The following CCDC184 variants were observed in gnomAD, a reference collection of about 807,000 sequenced individuals.
CCDC184 encodes coiled-coil domain containing 184, also known as coiled-coil domain-containing protein 184.
Under a neutral mutation model 10.4 loss-of-function variants are expected in CCDC184, and 11 were observed. That is an observed-to-expected ratio of 1.06 (90% CI 0.67 to 1.75). CCDC184 has a LOEUF of 1.75. Ranked by LOEUF, CCDC184 falls within the 40% of genes most tolerant of loss-of-function variation. The pLI is 0.00. For missense variants in CCDC184, 264 were observed against 267.9 expected (o/e 0.99, Z 0.10); for synonymous variants, 102 against 116.1 (o/e 0.88, Z 0.78).
At position 48,183,978 on chromosome 12, in the gene CCDC184, T is replaced by A. The variant is rs1024671342; in HGVS notation, c.-145T>A. 6 of 630,226 alleles carry A rather than the reference T, an allele frequency of 9.5e-6. No individual in the cohort carries two copies. In the Admixed American group the frequency reaches 1.8e-4, roughly 19 times the overall value. The allele number at this position is 630,226 out of a possible 1,614,324, so 39.0% of individuals were successfully genotyped here. On this transcript the variant is annotated 5_prime_UTR_variant, in exon 1 of 1. Transcript: ENST00000316554. The stretch of plus-strand genomic sequence containing the variant: ...CTCTGCCCAGGACTCGTCTCTCACG[T>A]CGGCTCCCCGCCAGTCTCGGGAGCC...
At position 48,183,853 on chromosome 12, in the gene CCDC184, C is replaced by T; in HGVS notation, c.-270C>T. On this transcript the variant is annotated 5_prime_UTR_variant, in exon 1 of 1. Coordinates refer to ENST00000316554, the MANE Select transcript of CCDC184 (RefSeq NM_001013635.4). ...CCGGGAGGCGAGGCAGGGCAGGGCACTTTCGTCCCGGGGCGATCCCAAGAG... is the reference window on the plus strand; with the variant it reads ...CCGGGAGGCGAGGCAGGGCAGGGCATTTTCGTCCCGGGGCGATCCCAAGAG... 2.1e-6 allele frequency: 1 copy of T among 472,654 alleles called. No individual in the cohort carries two copies. Among genetic ancestry groups the T allele is most frequent in the Non-Finnish European group, 3.8e-6 (1 of 265,764 alleles). The allele number at this position is 472,654 out of a possible 1,614,324, so 29.3% of individuals were successfully genotyped here.
Position 48,184,070 on chromosome 12 carries a change from G to T in CCDC184, c.-53G>T. ...CCCCCTCCACCCCCTCCCCCACCCC[G>T]GAGGCCGGGCTGGACGCGACCCAGA... On this transcript the variant is annotated 5_prime_UTR_variant, in exon 1 of 1. Coordinates refer to ENST00000316554, the MANE Select transcript of CCDC184 (RefSeq NM_001013635.4). 6.5e-6 allele frequency: 2 copies of T among 306,280 alleles called. No individual in the cohort carries two copies. Among genetic ancestry groups the T allele is most frequent in the South Asian group, 3.5e-5 (1 of 28,936 alleles). The allele number at this position is 306,280 out of a possible 1,614,324, so 19.0% of individuals were successfully genotyped here. A position where few individuals can be genotyped will look rare whatever the true frequency, so the allele number is the denominator to read the frequency against.
chr12:48,184,043 C>G lies in CCDC184; in HGVS notation c.-80C>G. ...CTCCCGCTAGCCCCTCCCGGGACCT[C>G]TCCCCCTCCACCCCCTCCCCCACCC... On this transcript the variant is annotated 5_prime_UTR_variant, in exon 1 of 1. Transcript: ENST00000316554. 1 of 810,830 alleles carries G rather than the reference C, an allele frequency of 1.2e-6. No individual in the cohort carries two copies. The highest frequency in any genetic ancestry group is 1.9e-6 in the Non-Finnish European group (1 of 529,322). The allele number at this position is 810,830 out of a possible 1,614,324, so 50.2% of individuals were successfully genotyped here.
rs547175162 is a variant in CCDC184 at position 48,184,405 on chromosome 12, A to C, written c.283A>C (p.Thr95Pro). Residue 95 changes from threonine (T) to proline (P), a missense_variant, in exon 1 of 1, where the codon ACT becomes CCT. Coordinates refer to ENST00000316554, the MANE Select transcript of CCDC184 (RefSeq NM_001013635.4). Reference sequence around the variant, plus strand: ...CGTCTCCATGTGCCAGATTATGACCACTGCGCCCCGCCAGGGCGGCTTGGG... The same window carrying C: ...CGTCTCCATGTGCCAGATTATGACCCCTGCGCCCCGCCAGGGCGGCTTGGG... ...AIVSMCQIMT[T>P]APRQGGLGVV... The C allele has an allele frequency of 6.2e-7, 1 of 1,612,438 alleles. No individual in the cohort carries two copies. The highest frequency in any genetic ancestry group is 8.5e-7 in the Non-Finnish European group (1 of 1,179,912).
At position 48,184,488 on chromosome 12, in the gene CCDC184, G is replaced by A; in HGVS notation, c.366G>A (p.Ser122=). The A allele has an allele frequency of 6.2e-7, 1 of 1,601,492 alleles. No individual in the cohort carries two copies. Among genetic ancestry groups the A allele is most frequent in the Non-Finnish European group, 8.5e-7 (1 of 1,178,394 alleles). ...ACCCCCAAGAGCCGGAGACTCCTTCGCCTGGGATCGGGGACAGCGGCTTGC... is the reference window on the plus strand; with the variant it reads ...ACCCCCAAGAGCCGGAGACTCCTTCACCTGGGATCGGGGACAGCGGCTTGC... The part of the protein sequence containing the change: ...QSDPQEPETP[S]PGIGDSGLLG... The change falls in exon 1 of 1, where the codon TCG becomes TCA. Residue 122 remains serine (S), a synonymous_variant. Transcript: ENST00000316554.
Position 48,184,409 on chromosome 12 carries a change from C to A in CCDC184, c.287C>A (p.Ala96Glu), listed in dbSNP as rs1331544269. The change falls in exon 1 of 1, where the codon GCG becomes GAG. Residue 96 changes from alanine (A) to glutamate (E), a missense_variant. Physicochemically the swap from Ala to Glu is moderately radical, Grantham distance 107. Coordinates refer to ENST00000316554, the MANE Select transcript of CCDC184 (RefSeq NM_001013635.4). Reference protein sequence around the residue: ...IVSMCQIMTTAPRQGGLGVVG... With the variant: ...IVSMCQIMTTEPRQGGLGVVG... ...TCCATGTGCCAGATTATGACCACTG[C>A]GCCCCGCCAGGGCGGCTTGGGCGTG... 3 of 1,612,388 alleles carry A rather than the reference C, an allele frequency of 1.9e-6. No individual in the cohort carries two copies. The highest frequency in any genetic ancestry group is 2.5e-6 in the Non-Finnish European group (3 of 1,179,976).
Position 48,184,027 on chromosome 12 carries a change from GC to G in CCDC184, c.-92del, listed in dbSNP as rs1951484538. 1.5e-6 allele frequency: 1 copy of G among 671,316 alleles called. No individual in the cohort carries two copies. Among genetic ancestry groups the G allele is most frequent in the South Asian group, 1.8e-5 (1 of 55,818 alleles). 41.6% of individuals were successfully genotyped at this position (671,316 alleles called of 1,614,324 possible). A position where few individuals can be genotyped will look rare whatever the true frequency, so the allele number is the denominator to read the frequency against. On this transcript the variant is annotated 5_prime_UTR_variant, in exon 1 of 1. Transcript: ENST00000316554. ...CCTCCGCTTCCCTCGGCTCCCGCTA[GC>G]CCCTCCCGGGACCTCTCCCCCTCCA...
Position 48,184,002 on chromosome 12 carries a change from C to T in CCDC184, c.-121C>T. On this transcript the variant is annotated 5_prime_UTR_variant, in exon 1 of 1. Coordinates refer to ENST00000316554, the MANE Select transcript of CCDC184 (RefSeq NM_001013635.4). ...GTCGGCTCCCCGCCAGTCTCGGGAG[C>T]CTCCGCTTCCCTCGGCTCCCGCTAG... The T allele has an allele frequency of 1.7e-6, 1 of 588,598 alleles. No homozygotes were observed. The allele number at this position is 588,598 out of a possible 1,614,324, so 36.5% of individuals were successfully genotyped here.
rs766002192 is a variant in CCDC184, at chr12:48,184,505, G to A, written c.383G>A (p.Ser128Asn). Residue 128 changes from serine to asparagine, a missense_variant, in exon 1 of 1, where the codon AGC (serine) becomes AAC (asparagine). Transcript: ENST00000316554. Reference protein sequence around the residue: ...PETPSPGIGDSGLLGRDPEDE... With the variant: ...PETPSPGIGDNGLLGRDPEDE... ...ACTCCTTCGCCTGGGATCGGGGACA[G>A]CGGCTTGCTGGGTCGCGATCCCGAG... The A allele has an allele frequency of 1.3e-4, 215 of 1,595,436 alleles. No homozygotes were observed. Among genetic ancestry groups the A allele is most frequent in the Non-Finnish European group, 1.7e-4 (198 of 1,175,864 alleles).
In CCDC184 at chr12:48,184,011, C is replaced by A; in HGVS notation, c.-112C>A. The stretch of plus-strand genomic sequence containing the variant: ...CCGCCAGTCTCGGGAGCCTCCGCTT[C>A]CCTCGGCTCCCGCTAGCCCCTCCCG... On this transcript the variant is annotated 5_prime_UTR_variant, in exon 1 of 1. Transcript: ENST00000316554. 1 of 556,160 alleles carries A rather than the reference C, an allele frequency of 1.8e-6. No individual in the cohort carries two copies. The allele number at this position is 556,160 out of a possible 1,614,324, so 34.5% of individuals were successfully genotyped here. A position where few individuals can be genotyped will look rare whatever the true frequency, so the allele number is the denominator to read the frequency against.
At position 48,184,200 on chromosome 12, in the gene CCDC184, G is replaced by A; in HGVS notation, c.78G>A (p.Pro26=). Reference sequence around the variant, plus strand: ...CGCCCCTGGAGGTGTCCACCGTGCCGGCAGTGGGGGACGTGATCTCCGGGG... The same window carrying A: ...CGCCCCTGGAGGTGTCCACCGTGCCAGCAGTGGGGGACGTGATCTCCGGGG... The part of the protein sequence containing the change: ...MPAPLEVSTV[P]AVGDVISGEY... The change falls in exon 1 of 1, where the codon CCG becomes CCA. Residue 26 remains proline (P), a synonymous_variant. Coordinates refer to ENST00000316554, the MANE Select transcript of CCDC184 (RefSeq NM_001013635.4). 1 of 1,614,072 alleles carries A rather than the reference G, an allele frequency of 6.2e-7. No homozygotes were observed. Among genetic ancestry groups the A allele is most frequent in the Non-Finnish European group, 8.5e-7 (1 of 1,180,012 alleles).
rs1951486123 is a variant in CCDC184, at chr12:48,184,210, G to A, written c.88G>A (p.Asp30Asn). ...GGTGTCCACCGTGCCGGCAGTGGGG[G>A]ACGTGATCTCCGGGGAGTACAACGG... ...LEVSTVPAVGDVISGEYNGGM... is the reference protein window; with the variant it reads ...LEVSTVPAVGNVISGEYNGGM... The change falls in exon 1 of 1, where the codon GAC (aspartate) becomes AAC (asparagine). Residue 30 changes from aspartate to asparagine, a missense_variant. Asp to Asn is a conservative substitution (Grantham distance 23). Transcript: ENST00000316554. 6.2e-7 allele frequency: 1 copy of A among 1,614,116 alleles called. No homozygotes were observed. The highest frequency in any genetic ancestry group is 2.2e-5 in the East Asian group (1 of 44,864).
rs1377129103 is a variant in CCDC184, at chr12:48,184,839, C to T, written c.*132C>T. On this transcript the variant is annotated 3_prime_UTR_variant, in exon 1 of 1. Transcript: ENST00000316554. ...CTCTTGTGGGTCAGGCAGAGAGAGA[C>T]TCCCTCGAGGAAGGATTTGTAGGGT... The T allele has an allele frequency of 2.9e-6, 2 of 692,192 alleles. No individual in the cohort carries two copies. Among genetic ancestry groups the T allele is most frequent in the Non-Finnish European group, 4.9e-6 (2 of 409,796 alleles). 42.9% of individuals were successfully genotyped at this position (692,192 alleles called of 1,614,324 possible). A position where few individuals can be genotyped will look rare whatever the true frequency, so the allele number is the denominator to read the frequency against.
At position 48,183,900 on chromosome 12, in the gene CCDC184, C is replaced by T. The variant is rs1951482863; in HGVS notation, c.-223C>T. The T allele has an allele frequency of 1.8e-6, 1 of 546,258 alleles. No homozygotes were observed. The allele number at this position is 546,258 out of a possible 1,614,324, so 33.8% of individuals were successfully genotyped here. A position where few individuals can be genotyped will look rare whatever the true frequency, so the allele number is the denominator to read the frequency against. On this transcript the variant is annotated 5_prime_UTR_variant, in exon 1 of 1. Transcript: ENST00000316554. ...AGAGACGCCGGCTCTGGGACCCTCG[C>T]CGGGTCCTCGTCCCGCAGCCTCTTC...
Position 48,184,709 on chromosome 12 carries a change from G to C in CCDC184, c.*2G>C. ...CTGGAGGGCGAGGCCTCCCTGTGAG[G>C]GGACTCCGTGGGGCACTACCTTCCC... is the stretch of plus-strand genomic sequence containing the variant. On this transcript the variant is annotated 3_prime_UTR_variant, in exon 1 of 1. Coordinates refer to ENST00000316554, the MANE Select transcript of CCDC184 (RefSeq NM_001013635.4). 6.3e-7 allele frequency: 1 copy of C among 1,591,522 alleles called. No homozygotes were observed. Among genetic ancestry groups the C allele is most frequent in the South Asian group, 1.1e-5 (1 of 88,674 alleles).
In CCDC184 at chr12:48,184,120, T is replaced by A; in HGVS notation, c.-3T>A. Reference sequence around the variant, plus strand: ...AGCCTCCGCCACCCGCTTCTGCCACTCAATGGAGGACGGTCTGCTGGAGAT... The same window carrying A: ...AGCCTCCGCCACCCGCTTCTGCCACACAATGGAGGACGGTCTGCTGGAGAT... On this transcript the variant is annotated 5_prime_UTR_variant, in exon 1 of 1. Transcript: ENST00000316554. 1 of 1,374,070 alleles carries A rather than the reference T, an allele frequency of 7.3e-7. No individual in the cohort carries two copies. The highest frequency in any genetic ancestry group is 9.7e-7 in the Non-Finnish European group (1 of 1,028,464). The allele number at this position is 1,374,070 out of a possible 1,614,324, so 85.1% of individuals were successfully genotyped here.
In CCDC184 at chr12:48,184,417, C is replaced by T. The variant is rs1192807712; in HGVS notation, c.295C>T (p.Gln99Ter). Reference sequence around the variant, plus strand: ...CCAGATTATGACCACTGCGCCCCGCCAGGGCGGCTTGGGCGTGGTCGGCGG... The same window carrying T: ...CCAGATTATGACCACTGCGCCCCGCTAGGGCGGCTTGGGCGTGGTCGGCGG... Reference protein sequence around the residue: ...MCQIMTTAPRQGGLGVVGGKG... With the variant: ...MCQIMTTAPR The change falls in exon 1 of 1, where the codon CAG becomes TAG. Residue 99 changes from glutamine (Q) to a stop codon, truncating the protein, a stop_gained. Transcript: ENST00000316554. LOFTEE classifies it high-confidence loss of function. The T allele has an allele frequency of 6.2e-7, 1 of 1,611,854 alleles. No homozygotes were observed. Among genetic ancestry groups the T allele is most frequent in the Non-Finnish European group, 8.5e-7 (1 of 1,179,974 alleles).
At position 48,184,045 on chromosome 12, in the gene CCDC184, C is replaced by T; in HGVS notation, c.-78C>T. 3 of 581,670 alleles carry T rather than the reference C, an allele frequency of 5.2e-6. No individual in the cohort carries two copies. Among genetic ancestry groups the T allele is most frequent in the South Asian group, 1.7e-5 (1 of 57,528 alleles). The allele number at this position is 581,670 out of a possible 1,614,324, so 36.0% of individuals were successfully genotyped here. ...CCCGCTAGCCCCTCCCGGGACCTCT[C>T]CCCCTCCACCCCCTCCCCCACCCCG... On this transcript the variant is annotated 5_prime_UTR_variant, in exon 1 of 1. Coordinates refer to ENST00000316554, the MANE Select transcript of CCDC184 (RefSeq NM_001013635.4).
In CCDC184 at chr12:48,184,077, G is replaced by A. The variant is rs1217408095; in HGVS notation, c.-46G>A. The A allele has an allele frequency of 1.6e-5, 10 of 626,732 alleles. No homozygotes were observed. Among genetic ancestry groups the A allele is most frequent in the Non-Finnish European group, 2.3e-5 (9 of 389,734 alleles). The allele number at this position is 626,732 out of a possible 1,614,324, so 38.8% of individuals were successfully genotyped here. A position where few individuals can be genotyped will look rare whatever the true frequency, so the allele number is the denominator to read the frequency against. ...CACCCCCTCCCCCACCCCGGAGGCC[G>A]GGCTGGACGCGACCCAGAGCCTCCG... On this transcript the variant is annotated 5_prime_UTR_variant, in exon 1 of 1. Coordinates refer to ENST00000316554, the MANE Select transcript of CCDC184 (RefSeq NM_001013635.4).
Sources: allele counts gnomAD v4.1 joint callset, GRCh38; gene constraint gnomAD v4.1.1; transcripts MANE v1.5; gene names NCBI Gene and HGNC (gene_info 2026-07-23, HGNC 2026-07-21).